Variants in KCTD16 observed in about 807,000 individuals in gnomAD.
KCTD16 encodes BTB/POZ domain-containing protein KCTD16.
A neutral mutation model predicts 33.2 loss-of-function variants in KCTD16; 13 were observed. That is an observed-to-expected ratio of 0.39 (90% confidence interval 0.25 to 0.62). KCTD16 has a LOEUF of 0.62. Ranked by LOEUF, KCTD16 falls within the 20% of genes least tolerant of loss-of-function variation. The probability of loss-of-function intolerance (pLI) is 0.50; values close to 1 mark genes in which losing one functional copy is unlikely to be tolerated. For missense variants in KCTD16, 441 were observed against 525.1 expected, an observed-to-expected ratio of 0.84 and a Z score of 1.57; for synonymous variants, 197 against 195.3, an observed-to-expected ratio of 1.01 and a Z score of -0.07.
chr5:144,383,624 A>AT (rs900394953), intron 3 of KCTD16, among the ~76,000 whole-genome samples: 6 of 151,480 alleles, frequency 4.0e-5, no homozygotes, highest in African/African-American at 1.5e-4. Context: ...AAACTGCAAT[A>AT]TTTTTTCAGG....
chr5:144,363,931 A>G (rs1323657090), intron 3 of KCTD16, among the ~76,000 whole-genome samples: 1 of 152,190 alleles, frequency 6.6e-6, no homozygotes, highest in Non-Finnish European at 1.5e-5. Context: ...GTCAAGGGAT[A>G]ATGCAGGTTG....
At chr5:144,318,052 A>G (rs1751970218) in intron 3 of KCTD16, among the ~76,000 whole-genome samples, 1 of 152,230 alleles carries the variant, frequency 6.6e-6, no homozygotes, top group African/African-American at 2.4e-5. Context: ...GCCTGGAAGC[A>G]TGAATGTTCT....
chr5:144,342,674 T>C (rs369227049), intron 3 of KCTD16, among the ~76,000 whole-genome samples: 3 of 152,112 alleles, frequency 2.0e-5, no homozygotes, highest in Non-Finnish European at 4.4e-5. Flanking sequence ...AAAGGGAATG[T>C]TTCCAGTTTT....
At chr5:144,354,253 A>T (rs1349751391) in intron 3 of KCTD16, among the ~76,000 whole-genome samples, 2 of 152,136 alleles carry the variant, frequency 1.3e-5, no homozygotes, top group African/African-American at 4.8e-5. Context: ...CAACTATAAG[A>T]ACTACTACTG....
In KCTD16 at chr5:144,431,720, G is replaced by T. The variant is rs568231947; in HGVS notation, c.833-41940G>T. 3.9e-5 allele frequency among the ~76,000 whole-genome samples: 6 copies of T among 152,240 alleles called. 1 individual carries two copies. In the East Asian group the frequency reaches 5.8e-4, roughly 15 times the overall value. On this transcript the variant is annotated intron_variant, in intron 3 of 3. Coordinates refer to ENST00000512467, the MANE Select transcript of KCTD16 (RefSeq NM_020768.4). ...TAAGAAACATTACACTAGAGGGTTGGCAGTGGGAGACAAAGCTCGTATTTT... is the reference window on the plus strand; with the variant it reads ...TAAGAAACATTACACTAGAGGGTTGTCAGTGGGAGACAAAGCTCGTATTTT...
At chr5:144,334,209 TG>T (rs1192504991) in intron 3 of KCTD16, among the ~76,000 whole-genome samples, 1 of 152,292 alleles carries the variant, frequency 6.6e-6, no homozygotes, top group East Asian at 1.9e-4. Flanking sequence ...AGAGTTGACA[TG>T]ATAGAATCAC....
chr5:144,262,396 C>T (rs985211489), intron 3 of KCTD16, among the ~76,000 whole-genome samples: 2 of 152,150 alleles, frequency 1.3e-5, no homozygotes, highest in Non-Finnish European at 2.9e-5. Flanking sequence ...ATTGATAAAA[C>T]AATAATCAAC....
chr5:144,339,077 C>A (rs918583539), intron 3 of KCTD16, among the ~76,000 whole-genome samples: 1 of 152,152 alleles, frequency 6.6e-6, no homozygotes, highest in African/African-American at 2.4e-5. Flanking sequence ...TTTGAACTAC[C>A]TAGATTAGCA....
chr5:144,262,744 T>A (rs1479096781), intron 3 of KCTD16, among the ~76,000 whole-genome samples: 2 of 152,224 alleles, frequency 1.3e-5, no homozygotes, highest in African/African-American at 4.8e-5. Context: ...GCCCTACTCA[T>A]TTAGAAATCT....
intron 1 of KCTD16, among the ~76,000 whole-genome samples, chr5:144,172,837 T>C (rs974335600): frequency 2.6e-5 from 4 of 152,208 alleles, no homozygotes; most frequent in African/African-American, 7.2e-5. Flanking sequence ...AATCCATCAT[T>C]ATCTATTTAA....
intron 2 of KCTD16, among the ~76,000 whole-genome samples, chr5:144,180,722 A>T (rs1394223518): frequency 6.6e-6 from 1 of 152,038 alleles, no homozygotes; most frequent in Non-Finnish European, 1.5e-5. Context: ...ACATATACAC[A>T]TGGTTTCTTC....
chr5:144,217,038 G>A (rs1409308011), intron 3 of KCTD16, among the ~76,000 whole-genome samples: 1 of 152,152 alleles, frequency 6.6e-6, no homozygotes, highest in East Asian at 1.9e-4. Context: ...AGGAAATTAG[G>A]CATATGGATA....
chr5:144,410,612 T>C (rs904102760), intron 3 of KCTD16, among the ~76,000 whole-genome samples: 1 of 152,200 alleles, frequency 6.6e-6, no homozygotes, highest in Non-Finnish European at 1.5e-5. Context: ...TCTGGGCTTG[T>C]TCATTACTTC....
chr5:144,207,358 C>T lies in KCTD16; in HGVS notation c.644C>T (p.Pro215Leu). 1 of 1,614,194 alleles carries T rather than the reference C, an allele frequency of 6.2e-7. No individual in the cohort carries two copies. The highest frequency in any genetic ancestry group is 8.5e-7 in the Non-Finnish European group (1 of 1,180,044). ...GAAACTTTGAATGAAAGCAGAGACC[C>T]TGATCGAGCCCCAGAAAGATACACC... ...FGETLNESRD[P>L]DRAPERYTSR... The change falls in exon 3 of 4, where the codon CCT becomes CTT. Residue 215 changes from proline to leucine, a missense_variant. This residue lies in a region of KCTD16 where 355 missense variants were observed against 413.0 expected (regional missense o/e 0.86). Transcript: ENST00000512467.
At position 144,476,992 on chromosome 5, in the gene KCTD16, CAT is replaced by C. The variant is rs1234479247; in HGVS notation, c.*2879_*2880del. ...AGTGGATACAATGAATGGGGAATCA[CAT>C]GTGTAGAGCCCCAACTTAGATTGCC... On this transcript the variant is annotated 3_prime_UTR_variant, in exon 4 of 4. Transcript: ENST00000512467. 2.6e-5 allele frequency: 4 copies of C among 152,084 alleles called. No homozygotes were observed. Among genetic ancestry groups the C allele is most frequent in the Non-Finnish European group, 5.9e-5 (4 of 67,990 alleles). 9.4% of individuals were successfully genotyped at this position (152,084 alleles called of 1,614,324 possible). A position where few individuals can be genotyped will look rare whatever the true frequency, so the allele number is the denominator to read the frequency against.
rs1486316844 is a variant in KCTD16 at position 144,481,655 on chromosome 5, G to A, written c.*7541G>A. On this transcript the variant is annotated 3_prime_UTR_variant, in exon 4 of 4. Coordinates refer to ENST00000512467, the MANE Select transcript of KCTD16 (RefSeq NM_020768.4). ...ACTAAGGACCCAGAAAGTTTAAATC[G>A]GTCATTTATTTGTTTGTTTATGCAT... 2 of 151,688 alleles carry A rather than the reference G, an allele frequency of 1.3e-5. No individual in the cohort carries two copies. The highest frequency in any genetic ancestry group is 4.8e-5 in the African/African-American group (2 of 41,312). 9.4% of individuals were successfully genotyped at this position (151,688 alleles called of 1,614,324 possible). A position where few individuals can be genotyped will look rare whatever the true frequency, so the allele number is the denominator to read the frequency against.
chr5:144,304,977 CTTTTTTT>C (rs146638360), intron 3 of KCTD16, among the ~76,000 whole-genome samples: 7 of 83,416 alleles, frequency 8.4e-5, no homozygotes, highest in African/African-American at 1.7e-4. Context: ...ATATCAAAAT[CTTTTTTT>C]TTTTTTTTTT....
At chr5:144,419,181 G>T (rs187765551) in intron 3 of KCTD16, among the ~76,000 whole-genome samples, 1 of 152,098 alleles carries the variant, frequency 6.6e-6, no homozygotes, top group Non-Finnish European at 1.5e-5. Context: ...AGTTTCTGAC[G>T]TATTTTGGAG....
intron 3 of KCTD16, among the ~76,000 whole-genome samples, chr5:144,441,165 C>G (rs937351659): frequency 4.0e-5 from 6 of 151,660 alleles, no homozygotes; most frequent in African/African-American, 1.2e-4. Context: ...GATACAAATC[C>G]CTTATCAGAT....
Sources: gnomAD v4.1 joint callset for allele counts (sites outside exome capture counted in the v4.1 genomes callset) on GRCh38, gnomAD v4.1.1 for gene constraint, gnomAD v4.1.1 regional missense constraint, MANE v1.5 for transcripts, NCBI Gene and HGNC (gene_info 2026-07-23, HGNC 2026-07-21) for gene names.